SGCD: variants seen among roughly 807,000 people sequenced by gnomAD.
SGCD encodes the protein sarcoglycan delta, also known as delta-sarcoglycan.
Under a neutral mutation model 36.6 loss-of-function variants are expected in SGCD, and 18 were observed. That is an observed-to-expected ratio of 0.49 (90% CI 0.34 to 0.73). SGCD has a LOEUF of 0.73. Ranked by LOEUF, SGCD falls within the 30% of genes least tolerant of loss-of-function variation. SGCD has a pLI of 0.01. For synonymous variants in SGCD, 133 were observed against 130.6 expected (o/e 1.02, Z -0.12); for missense variants, 387 against 346.7 (o/e 1.12, Z -0.92).
At chr5:156,496,490 G>A (rs546793642) in intron 3 of SGCD, among the ~76,000 whole-genome samples, 9 of 152,186 alleles carry the variant, frequency 5.9e-5, no homozygotes, top group South Asian at 4.1e-4. Flanking sequence ...TATGTGGGAG[G>A]TGTAATTGTG....
chr5:156,417,745 C>G (rs2127775064), intron 3 of SGCD, among the ~76,000 whole-genome samples: 1 of 152,222 alleles, frequency 6.6e-6, no homozygotes, highest in East Asian at 1.9e-4. Context: ...AAGCCCTATA[C>G]TTAGTACAGT....
chr5:156,462,779 A>G (rs1193928210), intron 3 of SGCD, among the ~76,000 whole-genome samples: 1 of 152,182 alleles, frequency 6.6e-6, no homozygotes, highest in African/African-American at 2.4e-5. Flanking sequence ...TTAGGTTGGT[A>G]CAAAAGTAAT....
At chr5:155,930,292 G>C (rs1254445396) in intron 1 of SGCD, among the ~76,000 whole-genome samples, 1 of 152,044 alleles carries the variant, frequency 6.6e-6, no homozygotes, top group African/African-American at 2.4e-5. Context: ...TAGTCAGTGG[G>C]GTGTGCTTAT....
chr5:156,251,030 G>A (rs1361689661), intron 3 of SGCD, among the ~76,000 whole-genome samples: 2 of 151,906 alleles, frequency 1.3e-5, no homozygotes, highest in East Asian at 3.9e-4. Flanking sequence ...ATTATTCTTA[G>A]GAAACACAAG....
intron 1 of SGCD, among the ~76,000 whole-genome samples, chr5:155,999,144 C>T (rs1248871107): frequency 1.3e-5 from 2 of 152,226 alleles, no homozygotes; most frequent in Non-Finnish European, 2.9e-5. Flanking sequence ...ACTCATCTGC[C>T]AACATCTGGG....
At chr5:156,347,197 A>G (rs1207217580) in intron 3 of SGCD, among the ~76,000 whole-genome samples, 1 of 152,186 alleles carries the variant, frequency 6.6e-6, no homozygotes, top group African/African-American at 2.4e-5. Context: ...TGCCTAGGTG[A>G]TGAAGCAATA....
At chr5:156,464,062 C>T (rs1754614210) in intron 3 of SGCD, among the ~76,000 whole-genome samples, 1 of 152,112 alleles carries the variant, frequency 6.6e-6, no homozygotes, top group African/African-American at 2.4e-5. Context: ...GATTTGTATG[C>T]ACTGTCTTGT....
chr5:155,781,172 T>G, the SGCD span, among the ~76,000 whole-genome samples: 1 of 152,228 alleles, frequency 6.6e-6, no homozygotes, highest in Non-Finnish European at 1.5e-5. Context: ...GAAGCAGTTT[T>G]AATCAGTTTC....
chr5:155,774,329 C>T, the SGCD span, among the ~76,000 whole-genome samples: 1 of 152,170 alleles, frequency 6.6e-6, no homozygotes, highest in African/African-American at 2.4e-5. Context: ...TGGTAACATT[C>T]TTTCCCCTTA....
At chr5:156,268,647 C>T (rs12517231) in intron 3 of SGCD, among the ~76,000 whole-genome samples, 32,546 of 151,964 alleles carry the variant, frequency 0.21, 3,908 homozygotes, top group Admixed American at 0.27. Context: ...GGCTGGAGTG[C>T]AATGGTGCAA....
At chr5:156,087,536 A>G (rs1274984982) in intron 1 of SGCD, among the ~76,000 whole-genome samples, 1 of 149,348 alleles carries the variant, frequency 6.7e-6, no homozygotes. Context: ...GCTACTCAGG[A>G]GGCTGTGGCA....
intron 3 of SGCD, among the ~76,000 whole-genome samples, chr5:156,455,433 G>A (rs553206359): frequency 7.5e-6 from 1 of 133,088 alleles, no homozygotes; most frequent in South Asian, 2.7e-4. Context: ...TGGGAAAAGG[G>A]GAGAAATTTC....
chr5:156,425,369 C>A (rs1258796401), intron 3 of SGCD, among the ~76,000 whole-genome samples: 1 of 152,020 alleles, frequency 6.6e-6, no homozygotes, highest in African/African-American at 2.4e-5. Context: ...AATTTCAGCT[C>A]ATTATTAGCA....
At chr5:156,384,040 C>T (rs140615) in intron 3 of SGCD, among the ~76,000 whole-genome samples, 2 of 151,896 alleles carry the variant, frequency 1.3e-5, no homozygotes, top group Admixed American at 6.6e-5. Context: ...ATATGTATTT[C>T]GGTGTGTACA....
chr5:156,478,409 C>A (rs114093430), intron 3 of SGCD, among the ~76,000 whole-genome samples: 3,452 of 152,176 alleles, frequency 0.023, 105 homozygotes, highest in African/African-American at 0.072. Flanking sequence ...CTGAGCCACA[C>A]GCATCTTTGT....
Position 156,383,629 on chromosome 5 carries a change from G to T in SGCD, c.192+38952G>T, listed in dbSNP as rs556991467. 2.4e-4 allele frequency among the ~76,000 whole-genome samples: 37 copies of T among 152,238 alleles called. No individual in the cohort carries two copies. The South Asian group carries it at 7.1e-3, about 29-fold the overall frequency. ...AGTCACTGTTTCTCTTAGCAGCCTT[G>T]TTTTCTTGCTTATAAAAGGGAATTT... On this transcript the variant is annotated intron_variant, in intron 3 of 8. Coordinates refer to ENST00000337851, the MANE Select transcript of SGCD (RefSeq NM_000337.6).
intron 1 of SGCD, among the ~76,000 whole-genome samples, chr5:156,091,166 A>T (rs1018965519): frequency 1.1e-4 from 17 of 152,338 alleles, no homozygotes; most frequent in Admixed American, 3.9e-4. Flanking sequence ...TGAAGTGATA[A>T]ATGTCCATGA....
the SGCD span, among the ~76,000 whole-genome samples, chr5:155,734,805 G>T: frequency 6.6e-6 from 1 of 152,156 alleles, no homozygotes; most frequent in East Asian, 1.9e-4. Context: ...TGCTGCAATT[G>T]CTTGGCTGAC....
intron 3 of SGCD, among the ~76,000 whole-genome samples, chr5:156,131,016 A>T (rs4704976): frequency 0.094 from 14,287 of 152,282 alleles, 1,279 homozygotes; most frequent in East Asian, 0.47. Flanking sequence ...GGCATGAGCC[A>T]CCACGCCCGG....
Sources: allele counts gnomAD v4.1 joint callset (sites outside exome capture counted in the v4.1 genomes callset), GRCh38; gene constraint gnomAD v4.1.1; transcripts MANE v1.5; gene names NCBI Gene and HGNC (gene_info 2026-07-23, HGNC 2026-07-21).